The following TSHR variants were observed in gnomAD, a reference collection of about 807,000 sequenced individuals.
The protein encoded by TSHR is thyrotropin receptor.
TSHR carries 51 observed loss-of-function variants against 64.1 expected under a neutral mutation model. That is an observed-to-expected ratio of 0.80 (90% CI 0.64 to 1.01). The LOEUF (loss-of-function observed/expected upper bound fraction) is 1.01, where lower values mean the gene tolerates loss of function less well. TSHR is among the 50% of genes least tolerant of loss of function. The pLI, the probability that TSHR is intolerant of heterozygous loss-of-function variation, is 0.00. For missense variants in TSHR, 877 were observed against 942.8 expected (o/e 0.93, Z 0.91); for synonymous variants, 361 against 361.9 (o/e 1.00, Z 0.03).
intron 7 of TSHR, among the ~76,000 whole-genome samples, chr14:81,107,800 G>A (rs1210434183): frequency 6.6e-6 from 1 of 152,066 alleles, no homozygotes; most frequent in African/African-American, 2.4e-5. Flanking sequence ...TTTTTAAATT[G>A]CATGGCAAAT....
Position 81,145,827 on chromosome 14 carries a change from C to T in TSHR, c.*1474C>T, listed in dbSNP as rs1891907107. The T allele has an allele frequency of 3.4e-5, 8 of 232,632 alleles. No homozygotes were observed. The highest frequency in any genetic ancestry group is 6.1e-5 in the East Asian group (1 of 16,528). 14.4% of individuals were successfully genotyped at this position (232,632 alleles called of 1,614,324 possible). ...CTCTCCAGGTTACCTGTGATGATAG[C>T]CCCCTAATGTCCTGCTAGAAAAGTC... On this transcript the variant is annotated 3_prime_UTR_variant, in exon 10 of 10. Transcript: ENST00000298171.
chr14:81,019,703 T>C (rs1023572907), intron 1 of TSHR, among the ~76,000 whole-genome samples: 5 of 151,082 alleles, frequency 3.3e-5, no homozygotes, highest in African/African-American at 7.3e-5. Context: ...AGTGAGAACA[T>C]GCAGTGTTTG....
At chr14:81,063,415 C>T (rs1203334703) in intron 2 of TSHR, among the ~76,000 whole-genome samples, 1 of 152,090 alleles carries the variant, frequency 6.6e-6, no homozygotes, top group Non-Finnish European at 1.5e-5. Context: ...AGCTAATTTC[C>T]AAATATTACC....
chr14:81,090,571 T>C (rs1376237691), intron 4 of TSHR, among the ~76,000 whole-genome samples: 2 of 152,178 alleles, frequency 1.3e-5, no homozygotes, highest in Non-Finnish European at 2.9e-5. Context: ...ATGGTACTGT[T>C]ATAATGGTAC....
At chr14:80,965,943 A>G (rs1181530199) in intron 1 of TSHR, among the ~76,000 whole-genome samples, 1 of 152,234 alleles carries the variant, frequency 6.6e-6, no homozygotes, top group Non-Finnish European at 1.5e-5. Context: ...CAGAAATTCA[A>G]ATATTTCATC....
intron 2 of TSHR, among the ~76,000 whole-genome samples, chr14:81,065,292 A>G (rs1474377324): frequency 6.6e-6 from 1 of 152,170 alleles, no homozygotes; most frequent in East Asian, 1.9e-4. Context: ...TAGCTGTCTC[A>G]GTTGTAGGAA....
intron 8 of TSHR, among the ~76,000 whole-genome samples, chr14:81,114,319 C>T (rs1010412967): frequency 2.0e-5 from 3 of 152,248 alleles, no homozygotes; most frequent in South Asian, 2.1e-4. Context: ...TCAGTGGGTG[C>T]GTGCACTGTG....
chr14:81,050,279 A>C (rs1425394936), intron 1 of TSHR: 1 of 152,214 alleles, frequency 6.6e-6, no homozygotes. Flanking sequence ...AAGTTAAATC[A>C]GTGTTCAGAC....
intron 8 of TSHR, among the ~76,000 whole-genome samples, chr14:81,118,693 G>A (rs567290993): frequency 9.9e-4 from 151 of 152,196 alleles, no homozygotes; most frequent in African/African-American, 3.2e-3. Context: ...AGTTCATATG[G>A]AACCAAAAAA....
intron 3 of TSHR, among the ~76,000 whole-genome samples, chr14:81,069,456 A>G (rs1280307068): frequency 1.3e-5 from 2 of 152,222 alleles, no homozygotes; most frequent in Non-Finnish European, 2.9e-5. Context: ...AAAATGTTTG[A>G]AAGTATTAGA....
At chr14:81,098,610 A>T (rs1368596923) in intron 7 of TSHR, among the ~76,000 whole-genome samples, 1 of 152,190 alleles carries the variant, frequency 6.6e-6, no homozygotes, top group Non-Finnish European at 1.5e-5. Context: ...TTAGGGTATA[A>T]AGATTTCAGA....
intron 8 of TSHR, among the ~76,000 whole-genome samples, chr14:81,132,710 G>C (rs906488311): frequency 1.3e-5 from 2 of 152,180 alleles, no homozygotes; most frequent in Non-Finnish European, 2.9e-5. Flanking sequence ...CCCATTGCTT[G>C]ATGAGCTCTT....
At chr14:81,037,892 C>T (rs180986923) in intron 1 of TSHR, among the ~76,000 whole-genome samples, 24 of 149,506 alleles carry the variant, frequency 1.6e-4, no homozygotes, top group Non-Finnish European at 3.1e-4. Flanking sequence ...ATTTCAACAC[C>T]CTACTTTCAG....
At chr14:81,056,678 C>T (rs975024075) in intron 1 of TSHR, among the ~76,000 whole-genome samples, 2 of 152,158 alleles carry the variant, frequency 1.3e-5, no homozygotes, top group Admixed American at 1.3e-4. Flanking sequence ...ATAAGTCAAA[C>T]TTATCAAGCT....
At chr14:80,983,337 G>T in intron 1 of TSHR, 1 of 1,105,292 alleles carries the variant, frequency 9.0e-7, no homozygotes, top group Non-Finnish European at 1.3e-6. Flanking sequence ...TGACTTTTCA[G>T]AGCTTTTTCA....
chr14:81,070,625 CAAAAA>C (rs60958301), intron 3 of TSHR, among the ~76,000 whole-genome samples: 4 of 15,808 alleles, frequency 2.5e-4, no homozygotes, highest in African/African-American at 3.9e-4. Flanking sequence ...GATTCCATCT[CAAAAA>C]AAAAAAAAAA....
At chr14:81,031,335 A>T (rs1046943074) in intron 1 of TSHR, among the ~76,000 whole-genome samples, 1 of 152,156 alleles carries the variant, frequency 6.6e-6, no homozygotes, top group African/African-American at 2.4e-5. Flanking sequence ...CTAGGCTCTG[A>T]CTGGGTATCT....
intron 1 of TSHR, among the ~76,000 whole-genome samples, chr14:81,054,572 A>G (rs533943592): frequency 6.6e-6 from 1 of 152,206 alleles, no homozygotes; most frequent in Non-Finnish European, 1.5e-5. Context: ...TGACATGGAC[A>G]ATGAAATCTA....
chr14:80,976,391 G>A (rs1468819288), intron 1 of TSHR, among the ~76,000 whole-genome samples: 1 of 152,136 alleles, frequency 6.6e-6, no homozygotes, highest in Non-Finnish European at 1.5e-5. Flanking sequence ...TGGTCTGTCT[G>A]GGATCACAAT....
Sources: allele counts gnomAD v4.1 joint callset (sites outside exome capture counted in the v4.1 genomes callset), GRCh38; gene constraint gnomAD v4.1.1; transcripts MANE v1.5; gene names NCBI Gene and HGNC (gene_info 2026-07-23, HGNC 2026-07-21).